GLIS3: variants seen among roughly 807,000 people sequenced by gnomAD.
The protein encoded by GLIS3 is GLIS family zinc finger 3, also known as zinc finger protein GLIS3.
A neutral mutation model predicts 78.6 loss-of-function variants in GLIS3; 53 were observed. That is an observed-to-expected ratio of 0.67 (90% CI 0.54 to 0.85). GLIS3 has a LOEUF of 0.85. GLIS3 is among the 40% of genes least tolerant of loss of function. The pLI is 0.00. For missense variants in GLIS3, 1,703 were observed against 1,231.1 expected (o/e 1.38, Z -5.74); for synonymous variants, 684 against 509.9 (o/e 1.34, Z -4.60).
intron 7 of GLIS3, among the ~76,000 whole-genome samples, chr9:3,887,414 G>C (rs1317908362): frequency 6.6e-6 from 1 of 152,214 alleles, no homozygotes; most frequent in Non-Finnish European, 1.5e-5. Flanking sequence ...TGAGGGCACG[G>C]CTCTGTAGAA....
intron 2 of GLIS3, among the ~76,000 whole-genome samples, chr9:4,175,272 G>A (rs769493287): frequency 6.6e-6 from 1 of 152,136 alleles, no homozygotes; most frequent in Non-Finnish European, 1.5e-5. Flanking sequence ...ATGTTATTTT[G>A]TCAGAATGAA....
chr9:4,341,616 G>C (rs1817835229), intron 2 of GLIS3, among the ~76,000 whole-genome samples: 1 of 152,068 alleles, frequency 6.6e-6, no homozygotes, highest in African/African-American at 2.4e-5. Flanking sequence ...TCCAATCCAA[G>C]CTCATCCCAT....
At chr9:4,036,851 C>A (rs922104250) in intron 4 of GLIS3, among the ~76,000 whole-genome samples, 2 of 152,134 alleles carry the variant, frequency 1.3e-5, no homozygotes, top group Non-Finnish European at 2.9e-5. Flanking sequence ...CTCCCTACTC[C>A]TTGCGTTTGA....
intron 2 of GLIS3, among the ~76,000 whole-genome samples, chr9:4,188,770 T>C (rs961209016): frequency 6.6e-6 from 1 of 152,244 alleles, no homozygotes; most frequent in African/African-American, 2.4e-5. Flanking sequence ...CTAGATTTTC[T>C]AGTTTATTTG....
chr9:3,859,394 C>T, intron 8 of GLIS3, among the ~76,000 whole-genome samples: 1 of 69,378 alleles, frequency 1.4e-5, no homozygotes, highest in South Asian at 5.2e-4. Flanking sequence ...CACACACACA[C>T]ACACACATCA....
chr9:4,100,082 T>G (rs1830251020), intron 4 of GLIS3, among the ~76,000 whole-genome samples: 1 of 152,218 alleles, frequency 6.6e-6, no homozygotes, highest in Non-Finnish European at 1.5e-5. Context: ...TTTTGAAACG[T>G]AAAATTGTGT....
At chr9:4,140,268 G>A (rs1047076185) in intron 2 of GLIS3, among the ~76,000 whole-genome samples, 4 of 152,094 alleles carry the variant, frequency 2.6e-5, no homozygotes, top group Non-Finnish European at 4.4e-5. Flanking sequence ...AGGCTGCAGT[G>A]AGCCAGGATG....
At chr9:4,311,520 A>G (rs1817357029) in intron 2 of GLIS3, among the ~76,000 whole-genome samples, 1 of 152,192 alleles carries the variant, frequency 6.6e-6, no homozygotes, top group Non-Finnish European at 1.5e-5. Flanking sequence ...GAAATCCATT[A>G]CACAATAAGT....
intron 1 of GLIS3, among the ~76,000 whole-genome samples, chr9:4,289,249 T>A (rs769386681): frequency 6.6e-6 from 1 of 152,154 alleles, no homozygotes; most frequent in African/African-American, 2.4e-5. Flanking sequence ...CCTCTTGAAA[T>A]TCTGTAACTC....
intron 4 of GLIS3, among the ~76,000 whole-genome samples, chr9:4,098,113 G>C (rs1036235153): frequency 2.0e-5 from 3 of 152,156 alleles, no homozygotes; most frequent in Admixed American, 1.3e-4. Context: ...TGGTGCAGTT[G>C]AGAGATATGA....
the GLIS3 span, among the ~76,000 whole-genome samples, chr9:4,442,155 T>A: frequency 6.6e-6 from 1 of 152,220 alleles, no homozygotes; most frequent in African/African-American, 2.4e-5. Flanking sequence ...TCAAATTTTC[T>A]ATTTCTTCAC....
intron 2 of GLIS3, among the ~76,000 whole-genome samples, chr9:4,256,448 T>A (rs998134112): frequency 6.6e-6 from 1 of 152,206 alleles, no homozygotes. Flanking sequence ...ATTTTTCACC[T>A]CTTAAATTGT....
the GLIS3 span, among the ~76,000 whole-genome samples, chr9:4,409,156 A>C: frequency 6.6e-6 from 1 of 152,292 alleles, no homozygotes; most frequent in South Asian, 2.1e-4. Flanking sequence ...CTGCTTATAT[A>C]AGCAAGACCT....
chr9:4,015,481 T>C (rs536045947), intron 4 of GLIS3, among the ~76,000 whole-genome samples: 5 of 152,322 alleles, frequency 3.3e-5, no homozygotes, highest in East Asian at 3.9e-4. Context: ...TATTATAACA[T>C]GCTATCTGAA....
chr9:4,336,735 C>T (rs1259411751), intron 2 of GLIS3, among the ~76,000 whole-genome samples: 1 of 152,194 alleles, frequency 6.6e-6, no homozygotes, highest in African/African-American at 2.4e-5. Context: ...TGCTCCAGAG[C>T]TCATGTCCCA....
chr9:4,159,646 G>C (rs1443927441), intron 2 of GLIS3, among the ~76,000 whole-genome samples: 1 of 151,930 alleles, frequency 6.6e-6, no homozygotes, highest in Non-Finnish European at 1.5e-5. Context: ...TTGAATCCGG[G>C]AGGCAGAGGT....
chr9:4,020,662 T>G (rs1822813405), intron 4 of GLIS3, among the ~76,000 whole-genome samples: 1 of 152,234 alleles, frequency 6.6e-6, no homozygotes, highest in Non-Finnish European at 1.5e-5. Context: ...GATTTTGCAG[T>G]AAAAGCCTGA....
chr9:3,984,315 C>T (rs959818942), intron 4 of GLIS3, among the ~76,000 whole-genome samples: 12 of 152,236 alleles, frequency 7.9e-5, no homozygotes, highest in African/African-American at 2.9e-4. Flanking sequence ...CCCCGCAAAG[C>T]CACGGGCAGA....
chr9:4,255,293 G>C (rs1475619034), intron 2 of GLIS3, among the ~76,000 whole-genome samples: 4 of 152,206 alleles, frequency 2.6e-5, no homozygotes, highest in African/African-American at 7.2e-5. Flanking sequence ...TACTTTGGAA[G>C]ACAGTATGGT....
Sources: allele counts gnomAD v4.1 joint callset (sites outside exome capture counted in the v4.1 genomes callset), GRCh38; gene constraint gnomAD v4.1.1; transcripts MANE v1.5; gene names NCBI Gene and HGNC (gene_info 2026-07-23, HGNC 2026-07-21).